Variants in ZNF644 observed in about 807,000 individuals in gnomAD.
The protein encoded by ZNF644 is zinc finger motif enhancer binding protein 2.
ZNF644 carries 20 observed loss-of-function variants against 108.0 expected under a neutral mutation model. The ratio of observed to expected loss-of-function variants is 0.19; its 90% CI spans 0.13 to 0.27. The LOEUF (loss-of-function observed/expected upper bound fraction) is 0.27, where lower values mean the gene tolerates loss of function less well. Among genes scored for constraint, ZNF644 ranks in the 10% least tolerant of loss-of-function variants. The pLI, the probability that ZNF644 is intolerant of heterozygous loss-of-function variation, is 1.00. For synonymous variants in ZNF644, 542 were observed against 539.1 expected (o/e 1.01, Z -0.08); for missense variants, 1,338 against 1,548.9 (o/e 0.86, Z 2.29).
rs562456353 is a variant in ZNF644, at chr1:90,946,157, G to A, written c.45-4848C>T. 3.6e-4 allele frequency among the ~76,000 whole-genome samples: 55 copies of A among 152,110 alleles called. No homozygotes were observed. The South Asian group carries it at 5.2e-3, about 14-fold the overall frequency. ...CTGAAATATTATATTTAAAATTATT[G>A]TGGCATTTAAACCTATATATACCAT... is the stretch of plus-strand genomic sequence containing the variant. On this transcript the variant is annotated intron_variant, in intron 2 of 5. Coordinates refer to ENST00000337393, the MANE Select transcript of ZNF644 (RefSeq NM_201269.3).
At chr1:90,994,359 C>G (rs1657923802) in intron 1 of ZNF644, among the ~76,000 whole-genome samples, 1 of 152,108 alleles carries the variant, frequency 6.6e-6, no homozygotes, top group Admixed American at 6.5e-5. Context: ...CCCACAAGCA[C>G]ACAAAAATTA....
chr1:91,014,533 C>A (rs963552068), intron 1 of ZNF644, among the ~76,000 whole-genome samples: 2 of 152,078 alleles, frequency 1.3e-5, no homozygotes, highest in Non-Finnish European at 2.9e-5. Context: ...AATGTCCCAC[C>A]AGCAAGGATA....
intron 1 of ZNF644, among the ~76,000 whole-genome samples, chr1:90,999,514 C>A (rs1658534902): frequency 6.6e-6 from 1 of 152,144 alleles, no homozygotes; most frequent in Non-Finnish European, 1.5e-5. Context: ...CACCACCAGG[C>A]CTGTCAACAG....
At chr1:90,994,317 T>C (rs1294605893) in intron 1 of ZNF644, among the ~76,000 whole-genome samples, 3 of 152,154 alleles carry the variant, frequency 2.0e-5, no homozygotes, top group East Asian at 1.9e-4. Flanking sequence ...ATCCCTAAAA[T>C]TTAATTAAAG....
intron 1 of ZNF644, among the ~76,000 whole-genome samples, chr1:90,986,194 T>A (rs1288594801): frequency 4.6e-5 from 7 of 151,906 alleles, no homozygotes; most frequent in Non-Finnish European, 1.0e-4. Flanking sequence ...ATGTCAAGTA[T>A]AACACATCCT....
rs370872762 is a variant in ZNF644, at chr1:90,937,978, T to C, written c.3195A>G (p.Gly1065=). 45 of 1,612,364 alleles carry C rather than the reference T, an allele frequency of 2.8e-5. No individual in the cohort carries two copies. Among genetic ancestry groups the C allele is most frequent in the East Asian group, 4.5e-5 (2 of 44,882 alleles). The change falls in exon 4 of 6, where the codon GGA becomes GGG. Residue 1065 remains glycine (G), a synonymous_variant. Transcript: ENST00000337393. ...NHVRGHLKRL[G]KTKWDAHKSP... is the part of the protein sequence containing the mutation. ...ATTTGTGAGCATCCCATTTCGTCTT[T>C]CCAAGTCTTTTCAAGTGGCCTCTAA...
intron 4 of ZNF644, among the ~76,000 whole-genome samples, chr1:90,929,271 C>A (rs1190624023): frequency 6.6e-6 from 1 of 152,122 alleles, no homozygotes; most frequent in East Asian, 1.9e-4. Flanking sequence ...AGCCAATATG[C>A]CATTTAGTTG....
intron 2 of ZNF644, among the ~76,000 whole-genome samples, chr1:90,959,725 A>G (rs961537596): frequency 6.6e-6 from 1 of 152,158 alleles, no homozygotes; most frequent in Non-Finnish European, 1.5e-5. Context: ...GGGCAAATAG[A>G]AAGTGATTAC....
intron 2 of ZNF644, among the ~76,000 whole-genome samples, chr1:90,952,996 A>G (rs1161555899): frequency 6.7e-6 from 1 of 150,228 alleles, no homozygotes; most frequent in Non-Finnish European, 1.5e-5. Flanking sequence ...CTATAAAGAG[A>G]CAACAATTAG....
chr1:90,997,161 A>G (rs1338983438), intron 1 of ZNF644, among the ~76,000 whole-genome samples: 1 of 152,198 alleles, frequency 6.6e-6, no homozygotes, highest in African/African-American at 2.4e-5. Flanking sequence ...ACATGTACAG[A>G]AAGGGCTGTA....
At chr1:90,969,830 C>T (rs1333736439) in intron 2 of ZNF644, among the ~76,000 whole-genome samples, 2 of 152,252 alleles carry the variant, frequency 1.3e-5, no homozygotes, top group Admixed American at 6.5e-5. Flanking sequence ...CTGAGGTTTT[C>T]GCATCCACTG....
chr1:91,005,596 T>G lies in ZNF644; in HGVS notation c.-18+16394A>C, dbSNP rs1277371199. 2.0e-5 allele frequency among the ~76,000 whole-genome samples: 3 copies of G among 152,144 alleles called. No individual in the cohort carries two copies. The East Asian group carries it at 5.8e-4, about 29-fold the overall frequency. On this transcript the variant is annotated intron_variant, in intron 1 of 5. Transcript: ENST00000337393. ...TAGAGAGTACGTTCTCTGACCACAATGGAATGAAACTAGAAATCAATACCA... is the reference window on the plus strand; with the variant it reads ...TAGAGAGTACGTTCTCTGACCACAAGGGAATGAAACTAGAAATCAATACCA...
chr1:91,010,405 A>ATTTTTT (rs35003941), intron 1 of ZNF644, among the ~76,000 whole-genome samples: 2 of 132,628 alleles, frequency 1.5e-5, no homozygotes, highest in African/African-American at 2.8e-5. Context: ...CGCTTGGCTA[A>ATTTTTT]TTTTTTTTTT....
At chr1:91,012,988 T>C (rs1479883998) in intron 1 of ZNF644, among the ~76,000 whole-genome samples, 1 of 152,192 alleles carries the variant, frequency 6.6e-6, no homozygotes. Flanking sequence ...CTTTTGAAGA[T>C]CGACTAGGCT....
chr1:90,991,560 G>A (rs1041440430), intron 1 of ZNF644, among the ~76,000 whole-genome samples: 8 of 152,162 alleles, frequency 5.3e-5, no homozygotes, highest in East Asian at 3.8e-4. Context: ...TCACAGTTCC[G>A]CAGGCTGTAC....
At chr1:91,001,321 A>C (rs1658764798) in intron 1 of ZNF644, among the ~76,000 whole-genome samples, 1 of 152,186 alleles carries the variant, frequency 6.6e-6, no homozygotes, top group Admixed American at 6.5e-5. Flanking sequence ...GCAGCACATC[A>C]AAAAGCTTAT....
At chr1:90,923,403 A>G (rs929822310) in intron 4 of ZNF644, among the ~76,000 whole-genome samples, 7 of 152,128 alleles carry the variant, frequency 4.6e-5, no homozygotes, top group African/African-American at 1.7e-4. Flanking sequence ...ACACAGTATT[A>G]AAATTGAAAA....
In ZNF644 at chr1:90,937,525, C is replaced by G. The variant is rs750922184; in HGVS notation, c.3648G>C (p.Leu1216Phe). 1.9e-6 allele frequency: 3 copies of G among 1,613,836 alleles called. No individual in the cohort carries two copies. The South Asian group carries it at 3.3e-5, about 18-fold the overall frequency. Residue 1216 changes from leucine to phenylalanine, a missense_variant, in exon 4 of 6, where the codon TTG becomes TTC. Leu to Phe is a conservative substitution (Grantham distance 22, BLOSUM62 0). This residue lies in a region of ZNF644 where 287 missense variants were observed against 310.9 expected (regional missense o/e 0.92). Transcript: ENST00000337393. ...AGTCCATTTTTTGTGGCTGATACAT[C>G]AACGGACTATCCTCATTTAATGGAA... ...CVLPLNEDSPLMYQPQKMDLT... is the reference protein window; with the variant it reads ...CVLPLNEDSPFMYQPQKMDLT...
chr1:90,998,750 T>C (rs139446241), intron 1 of ZNF644, among the ~76,000 whole-genome samples: 20,660 of 152,208 alleles, frequency 0.14, 1,452 homozygotes, highest in South Asian at 0.16. Flanking sequence ...CAAACTTCTC[T>C]GAGCTAAAGG....
Sources: allele counts gnomAD v4.1 joint callset (sites outside exome capture counted in the v4.1 genomes callset), GRCh38; gene constraint gnomAD v4.1.1; regional missense constraint gnomAD v4.1.1; transcripts MANE v1.5; gene names NCBI Gene and HGNC (gene_info 2026-07-23, HGNC 2026-07-21).